Variants in AFF3 observed in about 807,000 individuals in gnomAD.
AFF3 encodes ALF transcription elongation factor 3.
A neutral mutation model predicts 129.7 loss-of-function variants in AFF3; 32 were observed. The ratio of observed to expected loss-of-function variants is 0.25; its 90% CI spans 0.19 to 0.33. The LOEUF (loss-of-function observed/expected upper bound fraction) is 0.33. Ranked by LOEUF, AFF3 falls within the 10% of genes least tolerant of loss-of-function variation. The pLI is 1.00. For synonymous variants in AFF3, 644 were observed against 635.4 expected, an observed-to-expected ratio of 1.01 and a Z score of -0.20; for missense variants, 1,373 against 1,592.0, an observed-to-expected ratio of 0.86 and a Z score of 2.34.
intron 8 of AFF3, among the ~76,000 whole-genome samples, chr2:99,771,785 T>G (rs543025529): frequency 2.6e-5 from 4 of 152,266 alleles, no homozygotes; most frequent in Non-Finnish European, 5.9e-5. Flanking sequence ...AATTTTCTGA[T>G]GAGGACACCC....
At chr2:99,705,887 A>C (rs997619419) in intron 11 of AFF3, among the ~76,000 whole-genome samples, 25 of 149,816 alleles carry the variant, frequency 1.7e-4, no homozygotes, top group East Asian at 7.8e-4. Flanking sequence ...AAAAAAAAAA[A>C]AAAAAAAAAA....
At position 99,809,291 on chromosome 2, in the gene AFF3, G is replaced by A. The variant is rs144928999; in HGVS notation, c.921+28186C>T. On this transcript the variant is annotated intron_variant, in intron 8 of 24. Coordinates refer to ENST00000672756, the MANE Select transcript of AFF3 (RefSeq NM_001386135.1). The stretch of plus-strand genomic sequence containing the variant: ...TTAGCTGAGAAGAAGAGAAGAACAA[G>A]GAGCGGCTACAGAGGCACCCAGCTC... Among the ~76,000 whole-genome samples, 1,054 of 152,308 alleles carry A rather than the reference G, an allele frequency of 6.9e-3. 8 individuals carry two copies. Among genetic ancestry groups the A allele is most frequent in the Non-Finnish European group, 0.011 (776 of 68,016 alleles).
At chr2:99,634,616 G>T (rs963392625) in intron 13 of AFF3, among the ~76,000 whole-genome samples, 2 of 152,118 alleles carry the variant, frequency 1.3e-5, no homozygotes. Context: ...ATAGGTAATA[G>T]TTCTCCAGTC....
At chr2:99,980,787 A>G (rs1339834797) in intron 7 of AFF3, among the ~76,000 whole-genome samples, 1 of 152,210 alleles carries the variant, frequency 6.6e-6, no homozygotes, top group Non-Finnish European at 1.5e-5. Context: ...TTTAAAGTAT[A>G]TGAGTTACTT....
intron 8 of AFF3, among the ~76,000 whole-genome samples, chr2:99,807,390 C>T (rs538262031): frequency 3.1e-4 from 47 of 152,290 alleles, no homozygotes; most frequent in Non-Finnish European, 6.2e-4. Flanking sequence ...TTCCTACCAA[C>T]GCACCCAGTT....
chr2:99,617,819 C>T (rs1397164524), intron 13 of AFF3, among the ~76,000 whole-genome samples: 1 of 152,118 alleles, frequency 6.6e-6, no homozygotes, highest in Non-Finnish European at 1.5e-5. Context: ...GTAGAAAAGT[C>T]AGCTACAGTT....
chr2:100,125,391 A>G (rs1259344027), intron 2 of AFF3, among the ~76,000 whole-genome samples: 2 of 152,206 alleles, frequency 1.3e-5, no homozygotes, highest in Non-Finnish European at 2.9e-5. Context: ...ATGTGAAGGC[A>G]AGACCAGAAG....
At chr2:100,033,432 TACTTCTATATGAA>T (rs1391561735) in intron 4 of AFF3, among the ~76,000 whole-genome samples, 1 of 152,250 alleles carries the variant, frequency 6.6e-6, no homozygotes, top group African/African-American at 2.4e-5. Context: ...CGTGAATCGT[TACTTCTATATGAA>T]ACATCTGAGT....
rs543158379 is a variant in AFF3, at chr2:99,676,293, C to G, written c.1092-3704G>C. ...TCTCATTGTTTAAGGGATGTCCGTC[C>G]GTAGCAGACCAGCTAAGTACTTTCT... On this transcript the variant is annotated intron_variant, in intron 11 of 24. Coordinates refer to ENST00000672756, the MANE Select transcript of AFF3 (RefSeq NM_001386135.1). 1.1e-3 allele frequency among the ~76,000 whole-genome samples: 165 copies of G among 152,256 alleles called. 1 individual carries two copies. The highest frequency in any genetic ancestry group is 3.7e-3 in the African/African-American group (155 of 41,536).
At chr2:99,876,270 G>A (rs189316022) in intron 7 of AFF3, among the ~76,000 whole-genome samples, 2 of 152,220 alleles carry the variant, frequency 1.3e-5, no homozygotes, top group South Asian at 2.1e-4. Context: ...TTATCCAACC[G>A]CCTAGCTGAT....
chr2:99,773,786 A>G (rs1221908130), intron 8 of AFF3, among the ~76,000 whole-genome samples: 1 of 152,230 alleles, frequency 6.6e-6, no homozygotes, highest in Non-Finnish European at 1.5e-5. Context: ...AGGAAGTCAA[A>G]TTATCTTTGT....
chr2:99,856,955 T>C (rs1305227960), intron 7 of AFF3, among the ~76,000 whole-genome samples: 1 of 152,166 alleles, frequency 6.6e-6, no homozygotes, highest in African/African-American at 2.4e-5. Context: ...TCCTCTGGCA[T>C]TGAAATTACT....
chr2:100,134,865 ATAATGGCAACTAAATATATATGG>A (rs1166853761), intron 1 of AFF3, among the ~76,000 whole-genome samples: 3 of 152,260 alleles, frequency 2.0e-5, no homozygotes, highest in Non-Finnish European at 4.4e-5. Flanking sequence ...GAAACAGCAG[ATAATGGCAACTAAATATATATGG>A]TAAATGGAGC....
rs767989789 is a variant in AFF3 at position 99,621,837 on chromosome 2, CA to C, written c.1185-20217del. ...GGAAAAGAGAGAAGGGGGCAAGCTC[CA>C]GGCAAAGCGGGTGGAATAACAGGAG... On this transcript the variant is annotated intron_variant, in intron 13 of 24. Coordinates refer to ENST00000672756, the MANE Select transcript of AFF3 (RefSeq NM_001386135.1). 5.0e-4 allele frequency among the ~76,000 whole-genome samples: 76 copies of C among 152,192 alleles called. 1 individual carries two copies. The highest frequency in any genetic ancestry group is 8.5e-4 in the Non-Finnish European group (58 of 68,008).
chr2:100,064,304 C>G (rs2105256560), intron 4 of AFF3, among the ~76,000 whole-genome samples: 1 of 152,256 alleles, frequency 6.6e-6, no homozygotes, highest in South Asian at 2.1e-4. Context: ...TTCTCCCCAG[C>G]ATTCACTCAA....
In AFF3 at chr2:100,122,072, A is replaced by T. The variant is rs564117261; in HGVS notation, c.-145+7152T>A. 3.2e-4 allele frequency among the ~76,000 whole-genome samples: 48 copies of T among 152,276 alleles called. No homozygotes were observed. The South Asian group carries it at 5.4e-3, about 17-fold the overall frequency. The stretch of plus-strand genomic sequence containing the variant: ...TGACAGAGCGAGACTCCGTCTCAAA[A>T]AAATAAATAAATAAATAAAAAATAA... On this transcript the variant is annotated intron_variant, in intron 2 of 24. Coordinates refer to ENST00000672756, the MANE Select transcript of AFF3 (RefSeq NM_001386135.1).
At chr2:99,672,887 T>C (rs2104464882) in intron 11 of AFF3, among the ~76,000 whole-genome samples, 1 of 152,232 alleles carries the variant, frequency 6.6e-6, no homozygotes, top group South Asian at 2.1e-4. Context: ...TATTGTATAT[T>C]TCGAAATAGC....
intron 11 of AFF3, among the ~76,000 whole-genome samples, chr2:99,684,930 T>C: frequency 7.1e-6 from 1 of 140,300 alleles, no homozygotes; most frequent in African/African-American, 2.5e-5. Flanking sequence ...ACCAGGACTT[T>C]TTCTTTCTTT....
chr2:99,613,349 C>A lies in AFF3; in HGVS notation c.1185-11728G>T, dbSNP rs192563456. On this transcript the variant is annotated intron_variant, in intron 13 of 24. Transcript: ENST00000672756. ...CTTGAAAGTTTAAAATAATTTGTCA[C>A]CAATAAAACCATCTAATCTCAGAAC... Among the ~76,000 whole-genome samples, 466 of 152,238 alleles carry A rather than the reference C, an allele frequency of 3.1e-3. 2 individuals are homozygous for A. The highest frequency in any genetic ancestry group is 0.017 in the Middle Eastern group (5 of 294).
Sources: gnomAD v4.1 joint callset for allele counts (sites outside exome capture counted in the v4.1 genomes callset) on GRCh38, gnomAD v4.1.1 for gene constraint, MANE v1.5 for transcripts, NCBI Gene and HGNC (gene_info 2026-07-23, HGNC 2026-07-21) for gene names.